Variants in HCRTR2 observed in about 807,000 individuals in gnomAD.
HCRTR2 encodes hypocretin receptor 2, also known as orexin receptor type 2.
HCRTR2 carries 22 observed loss-of-function variants against 49.0 expected under a neutral mutation model. The ratio of observed to expected loss-of-function variants is 0.45; its 90% CI spans 0.32 to 0.64. The LOEUF (loss-of-function observed/expected upper bound fraction) is 0.64, where lower values mean the gene tolerates loss of function less well. Ranked by LOEUF, HCRTR2 falls within the 30% of genes least tolerant of loss-of-function variation. The pLI, the probability that HCRTR2 is intolerant of heterozygous loss-of-function variation, is 0.04. For missense variants in HCRTR2, 491 were observed against 559.4 expected, an observed-to-expected ratio of 0.88 and a Z score of 1.23; for synonymous variants, 236 against 205.3, an observed-to-expected ratio of 1.15 and a Z score of -1.28.
intron 1 of HCRTR2, among the ~76,000 whole-genome samples, chr6:55,240,024 G>A (rs1010106312): frequency 1.3e-5 from 2 of 151,706 alleles, no homozygotes; most frequent in African/African-American, 4.8e-5. Flanking sequence ...TGATCCCCCC[G>A]CCTCGTTCTC....
At chr6:55,125,799 G>T (rs1185524089) in intron 1 of HCRTR2, among the ~76,000 whole-genome samples, 1 of 143,272 alleles carries the variant, frequency 7.0e-6, no homozygotes, top group African/African-American at 2.7e-5. Context: ...TTTCTTGGAG[G>T]CTTTGTTCAT....
intron 1 of HCRTR2, among the ~76,000 whole-genome samples, chr6:55,211,329 T>A (rs559856617): frequency 1.4e-4 from 22 of 152,288 alleles, no homozygotes; most frequent in African/African-American, 5.1e-4. Flanking sequence ...AACTTTCAAA[T>A]CCTGAATGTT....
chr6:55,252,459 T>C (rs1398344780), intron 2 of HCRTR2, among the ~76,000 whole-genome samples: 3 of 152,112 alleles, frequency 2.0e-5, no homozygotes, highest in Admixed American at 6.6e-5. Context: ...CTAGAGAGGA[T>C]TGATATATCT....
intron 2 of HCRTR2, among the ~76,000 whole-genome samples, chr6:55,250,207 T>C (rs1766522725): frequency 6.6e-6 from 1 of 152,116 alleles, no homozygotes; most frequent in Non-Finnish European, 1.5e-5. Flanking sequence ...CTGAAAATCA[T>C]GAATGGATTA....
At chr6:55,205,373 A>G (rs1451338885) in intron 1 of HCRTR2, among the ~76,000 whole-genome samples, 2 of 152,322 alleles carry the variant, frequency 1.3e-5, no homozygotes, top group East Asian at 3.9e-4. Context: ...GGAAGAAGGA[A>G]TCTAAGGTAG....
In HCRTR2 at chr6:55,200,267, GTGTGTGTGTGTT is replaced by G. The variant is rs1452447641; in HGVS notation, c.223+25459_223+25470del. 3.1e-3 allele frequency among the ~76,000 whole-genome samples: 467 copies of G among 149,134 alleles called. 1 individual carries two copies. The highest frequency in any genetic ancestry group is 0.011 in the African/African-American group (448 of 39,676). On this transcript the variant is annotated intron_variant, in intron 1 of 6. Transcript: ENST00000370862. The stretch of plus-strand genomic sequence containing the variant: ...TGTGTGTGTGTGTGTGTGTGTGTGT[GTGTGTGTGTGTT>G]TTTGAAACGGAGTCTTGCTCTGTCG...
At chr6:55,116,418 C>T (rs9370383) in intron 1 of HCRTR2, among the ~76,000 whole-genome samples, 140,530 of 151,276 alleles carry the variant, frequency 0.93, 65,584 homozygotes, top group Non-Finnish European at 0.97. Flanking sequence ...TTAAAAAATA[C>T]TAAAAGAGGC....
At chr6:55,132,757 T>C (rs1373118039) in intron 1 of HCRTR2, among the ~76,000 whole-genome samples, 1 of 151,098 alleles carries the variant, frequency 6.6e-6, no homozygotes, top group Non-Finnish European at 1.5e-5. Context: ...CTCTCTTTTT[T>C]TTTTTTTTTC....
At chr6:55,172,049 G>A (rs192138641), upstream of HCRTR2, among the ~76,000 whole-genome samples, 1 of 152,304 alleles carries the variant, frequency 6.6e-6, no homozygotes, top group East Asian at 1.9e-4. Context: ...AGAGTATAAA[G>A]TTGACAGATT....
intron 1 of HCRTR2, 124 bp from the exon 2 acceptor site, chr6:55,248,515 A>G: frequency 5.0e-6 from 4 of 794,078 alleles, no homozygotes; most frequent in Non-Finnish European, 8.7e-6. Flanking sequence ...AAAACACGGC[A>G]CAGCCTTCAA....
chr6:55,262,332 G>T (rs1766774368), intron 3 of HCRTR2, among the ~76,000 whole-genome samples: 1 of 137,740 alleles, frequency 7.3e-6, no homozygotes, highest in African/African-American at 2.7e-5. Context: ...TATATTATAT[G>T]TTATATATAA....
chr6:55,248,765 CT>C lies in HCRTR2; in HGVS notation c.351del (p.Glu118ArgfsTer12). 1 of 1,613,532 alleles carries C rather than the reference CT, an allele frequency of 6.2e-7. No homozygotes were observed. The highest frequency in any genetic ancestry group is 8.5e-7 in the Non-Finnish European group (1 of 1,179,556). On this transcript the variant is annotated frameshift_variant, in exon 2 of 7. Transcript: ENST00000370862. LOFTEE classifies it high-confidence loss of function. ...CLPATLVVDITETWFFGQSLC... is the reference protein window; with the variant it reads ...CLPATLVVDIXETWFFGQSLC... ...CCAGCCACACTGGTCGTGGATATCA[CT>C]GAGACCTGGTTTTTTGGACAGTCCC... is the stretch of plus-strand genomic sequence containing the variant.
rs530138605 is a variant in HCRTR2, at chr6:55,144,099, C to CT, written c.-377-30080dup. Among the ~76,000 whole-genome samples, 812 of 85,288 alleles carry CT rather than the reference C, an allele frequency of 9.5e-3. 37 individuals are homozygous for CT. The highest frequency in any genetic ancestry group is 0.036 in the Middle Eastern group (4 of 110). 56.0% of individuals were successfully genotyped at this position (85,288 alleles called of 152,430 possible). On this transcript the variant is annotated intron_variant, in intron 1 of 7. Transcript: ENST00000615358. ...GTGACGCCATTCTTTCCCGTCCTGCCTTTTTTTTTTTTTTTTTTTTTTTTT... is the reference window on the plus strand; with the variant it reads ...GTGACGCCATTCTTTCCCGTCCTGCCTTTTTTTTTTTTTTTTTTTTTTTTTT...
intron 1 of HCRTR2, among the ~76,000 whole-genome samples, chr6:55,237,848 G>A (rs1225744051): frequency 6.6e-6 from 1 of 152,178 alleles, no homozygotes; most frequent in African/African-American, 2.4e-5. Context: ...GTACTTCAGA[G>A]AACAATTGGC....
intron 4 of HCRTR2, 34 bp downstream of exon 4, chr6:55,263,856 C>T (rs780157228): frequency 1.7e-6 from 2 of 1,179,648 alleles, no homozygotes; most frequent in Admixed American, 3.4e-5. Context: ...GTGCATTATT[C>T]CTCCACACAT....
chr6:55,177,182 C>A (rs549835904), intron 1 of HCRTR2, among the ~76,000 whole-genome samples: 2 of 152,248 alleles, frequency 1.3e-5, no homozygotes, highest in African/African-American at 4.8e-5. Context: ...CTGAAATGGC[C>A]AATTCCATTC....
chr6:55,264,937 TG>T (rs1435044136), intron 4 of HCRTR2, among the ~76,000 whole-genome samples: 1 of 152,130 alleles, frequency 6.6e-6, no homozygotes, highest in Non-Finnish European at 1.5e-5. Flanking sequence ...GATGTGTCTT[TG>T]TTTTTTTAAT....
At chr6:55,187,411 C>CAAAAAA (rs57619664) in intron 1 of HCRTR2, among the ~76,000 whole-genome samples, 14 of 98,394 alleles carry the variant, frequency 1.4e-4, no homozygotes, top group Non-Finnish European at 1.2e-4. Context: ...GACTCCGTCT[C>CAAAAAA]AAAAAAAAAA....
intron 1 of HCRTR2, among the ~76,000 whole-genome samples, chr6:55,153,392 A>G (rs955871792): frequency 6.6e-6 from 1 of 152,048 alleles, no homozygotes; most frequent in Non-Finnish European, 1.5e-5. Flanking sequence ...ACAAACGTGT[A>G]GCATATTACT....
Sources: gnomAD v4.1 joint callset for allele counts (sites outside exome capture counted in the v4.1 genomes callset) on GRCh38, gnomAD v4.1.1 for gene constraint, MANE v1.5 for transcripts, NCBI Gene and HGNC (gene_info 2026-07-23, HGNC 2026-07-21) for gene names.